The following SLC25A26 variants were observed in gnomAD, a reference collection of about 807,000 sequenced individuals.
The protein encoded by SLC25A26 is mitochondrial S-adenosylmethionine carrier protein.
In SLC25A26, 36 loss-of-function variants were observed where a neutral mutation model predicts 37.8. The observed-to-expected ratio is 0.95, with a 90% confidence interval of 0.73 to 1.26. SLC25A26 has a LOEUF of 1.26. Among genes scored for constraint, SLC25A26 ranks in the 50% most tolerant of loss-of-function variants. The pLI is 0.00. For missense variants in SLC25A26, 390 were observed against 331.1 expected, an observed-to-expected ratio of 1.18 and a Z score of -1.38; for synonymous variants, 129 against 122.5, an observed-to-expected ratio of 1.05 and a Z score of -0.35.
chr3:66,285,270 ATTT>A (rs200449650), intron 5 of SLC25A26, among the ~76,000 whole-genome samples: 1 of 151,958 alleles, frequency 6.6e-6, no homozygotes, highest in African/African-American at 2.4e-5. Flanking sequence ...CATTATTATT[ATTT>A]TTTTTAAAAA....
At chr3:66,259,661 T>C (rs2073444588) in intron 3 of SLC25A26, among the ~76,000 whole-genome samples, 1 of 152,230 alleles carries the variant, frequency 6.6e-6, no homozygotes, top group African/African-American at 2.4e-5. Flanking sequence ...ATGTCTTTTA[T>C]AGAACTGCTA....
At chr3:66,282,875 T>C (rs1465329818) in intron 5 of SLC25A26, among the ~76,000 whole-genome samples, 1 of 152,178 alleles carries the variant, frequency 6.6e-6, no homozygotes, top group Non-Finnish European at 1.5e-5. Flanking sequence ...GCTGGCAACT[T>C]TAGCGATCTG....
intron 5 of SLC25A26, among the ~76,000 whole-genome samples, chr3:66,277,605 T>C (rs1438378941): frequency 6.6e-6 from 1 of 152,156 alleles, no homozygotes; most frequent in Non-Finnish European, 1.5e-5. Flanking sequence ...CACTTTAATA[T>C]ATATAATCTT....
intron 7 of SLC25A26, among the ~76,000 whole-genome samples, chr3:66,365,517 T>C (rs1182813140): frequency 6.6e-6 from 1 of 152,208 alleles, no homozygotes; most frequent in Non-Finnish European, 1.5e-5. Flanking sequence ...TAAGTAATTA[T>C]GACATTTGCT....
intron 3 of SLC25A26, among the ~76,000 whole-genome samples, chr3:66,254,348 A>G (rs1265259176): frequency 6.6e-6 from 1 of 152,248 alleles, no homozygotes; most frequent in African/African-American, 2.4e-5. Context: ...GGAATTACAA[A>G]GAGAATGTGG....
At chr3:66,191,518 A>C (rs2106790570) in intron 1 of SLC25A26, among the ~76,000 whole-genome samples, 1 of 152,338 alleles carries the variant, frequency 6.6e-6, no homozygotes, top group Admixed American at 6.5e-5. Context: ...GAAGAACAAC[A>C]CATATCCATC....
At chr3:66,290,017 T>TTGA (rs1465675880) in intron 5 of SLC25A26, among the ~76,000 whole-genome samples, 1 of 152,214 alleles carries the variant, frequency 6.6e-6, no homozygotes, top group Non-Finnish European at 1.5e-5. Context: ...GTAGTTCTCC[T>TTGA]TGAAGAGGTC....
chr3:66,208,911 T>A (rs1272811600), intron 1 of SLC25A26, among the ~76,000 whole-genome samples: 1 of 131,208 alleles, frequency 7.6e-6, no homozygotes, highest in African/African-American at 2.7e-5. Context: ...TATATATATA[T>A]AAATGTGTAT....
chr3:66,251,809 A>G (rs1054776545), intron 3 of SLC25A26, among the ~76,000 whole-genome samples: 1 of 152,138 alleles, frequency 6.6e-6, no homozygotes, highest in African/African-American at 2.4e-5. Context: ...TTTCTGTTGT[A>G]TGGATTTTCT....
intron 5 of SLC25A26, among the ~76,000 whole-genome samples, chr3:66,306,044 G>A (rs907620882): frequency 2.3e-4 from 35 of 152,038 alleles, no homozygotes; most frequent in South Asian, 4.2e-4. Flanking sequence ...GAGTGCAGTG[G>A]CACTAACATG....
chr3:66,275,753 T>C (rs2074120135), intron 5 of SLC25A26, among the ~76,000 whole-genome samples: 1 of 152,144 alleles, frequency 6.6e-6, no homozygotes, highest in Non-Finnish European at 1.5e-5. Context: ...ATATAGCTCT[T>C]ATTTTAATTT....
intron 1 of SLC25A26, among the ~76,000 whole-genome samples, chr3:66,207,772 C>T (rs896874851): frequency 2.3e-4 from 35 of 152,112 alleles, no homozygotes; most frequent in African/African-American, 5.1e-4. Flanking sequence ...TTTCTTGTAA[C>T]GCTTGTGCCA....
chr3:66,181,780 C>T (rs974432246), intron 1 of SLC25A26, among the ~76,000 whole-genome samples: 37 of 97,034 alleles, frequency 3.8e-4, no homozygotes, highest in Middle Eastern at 9.4e-3. Flanking sequence ...CTCCCCTTGT[C>T]TTTTTTTTTT....
chr3:66,216,332 T>C, upstream of SLC25A26, among the ~76,000 whole-genome samples: 2 of 152,202 alleles, frequency 1.3e-5, no homozygotes, highest in South Asian at 4.2e-4. Context: ...GGCAACATGG[T>C]GAAACCCCAT....
chr3:66,286,918 C>T (rs912326594), intron 5 of SLC25A26, among the ~76,000 whole-genome samples: 1 of 152,104 alleles, frequency 6.6e-6, no homozygotes, highest in Non-Finnish European at 1.5e-5. Flanking sequence ...CCAACACAGC[C>T]TCCTGAAGTG....
Position 66,236,538 on chromosome 3 carries a change from T to A in SLC25A26, c.34-6T>A. 7.0e-7 allele frequency: 1 copy of A among 1,428,542 alleles called. No homozygotes were observed. The allele number at this position is 1,428,542 out of a possible 1,614,324, so 88.5% of individuals were successfully genotyped here. A position where few individuals can be genotyped will look rare whatever the true frequency, so the allele number is the denominator to read the frequency against. On this transcript the variant is annotated splice_polypyrimidine_tract_variant and splice_region_variant and intron_variant, in intron 1 of 9. Transcript: ENST00000354883. ...TTTCTTTTTCTTCCCTCTTTTTTTT[T>A]CAAAGGCTGGTGGGGTAGCAGGTGT...
intron 5 of SLC25A26, among the ~76,000 whole-genome samples, chr3:66,344,596 C>G (rs921822932): frequency 6.6e-6 from 1 of 152,234 alleles, no homozygotes; most frequent in African/African-American, 2.4e-5. Context: ...ATTTACTTTT[C>G]CCTTGCAGCT....
chr3:66,170,960 C>T (rs1409968154), intron 1 of SLC25A26, among the ~76,000 whole-genome samples: 1 of 150,684 alleles, frequency 6.6e-6, no homozygotes, highest in Non-Finnish European at 1.5e-5. Flanking sequence ...CCCGCCACTA[C>T]GCCCGGCTAA....
At chr3:66,144,838 T>C (rs2070091054) in intron 1 of SLC25A26, among the ~76,000 whole-genome samples, 1 of 152,166 alleles carries the variant, frequency 6.6e-6, no homozygotes, top group Non-Finnish European at 1.5e-5. Flanking sequence ...CTAATAATCA[T>C]AAAGTTCTGA....
Sources: allele counts gnomAD v4.1 joint callset (sites outside exome capture counted in the v4.1 genomes callset), GRCh38; gene constraint gnomAD v4.1.1; transcripts MANE v1.5; gene names NCBI Gene and HGNC (gene_info 2026-07-23, HGNC 2026-07-21).